UBE2H: variants seen among roughly 807,000 people sequenced by gnomAD.
The protein encoded by UBE2H is ubiquitin conjugating enzyme E2 H, also known as ubiquitin-conjugating enzyme E2 H.
Under a neutral mutation model 29.0 loss-of-function variants are expected in UBE2H, and 3 were observed. The observed-to-expected ratio is 0.10, with a 90% CI of 0.05 to 0.27. The LOEUF (loss-of-function observed/expected upper bound fraction) is 0.27, where lower values mean the gene tolerates loss of function less well. Ranked by LOEUF, UBE2H falls within the 10% of genes least tolerant of loss-of-function variation. The pLI, the probability that UBE2H is intolerant of heterozygous loss-of-function variation, is 1.00. For synonymous variants in UBE2H, 69 were observed against 82.9 expected (o/e 0.83, Z 0.91); for missense variants, 68 against 228.2 (o/e 0.30, Z 4.52).
At chr7:129,927,597 T>G (rs1267422957) in intron 1 of UBE2H, among the ~76,000 whole-genome samples, 1 of 152,186 alleles carries the variant, frequency 6.6e-6, no homozygotes, top group East Asian at 1.9e-4. Flanking sequence ...AAATGTGGTA[T>G]GTAATACACT....
chr7:129,891,061 G>A (rs367858402), intron 1 of UBE2H, among the ~76,000 whole-genome samples: 14 of 151,906 alleles, frequency 9.2e-5, no homozygotes, highest in East Asian at 2.0e-4. Flanking sequence ...GCTTGAACCC[G>A]GGAGGTGGAG....
chr7:129,935,741 A>G (rs781142714), intron 1 of UBE2H, among the ~76,000 whole-genome samples: 1 of 152,168 alleles, frequency 6.6e-6, no homozygotes, highest in Non-Finnish European at 1.5e-5. Flanking sequence ...TTTTAATTCT[A>G]TTTTTCACAC....
chr7:129,941,116 G>A (rs1474735999), intron 1 of UBE2H, among the ~76,000 whole-genome samples: 7 of 152,064 alleles, frequency 4.6e-5, no homozygotes, highest in East Asian at 1.9e-4. Flanking sequence ...CACCACGCCC[G>A]GCTAATTTTT....
intron 1 of UBE2H, among the ~76,000 whole-genome samples, chr7:129,940,962 CTT>C (rs952831204): frequency 6.6e-6 from 1 of 151,594 alleles, no homozygotes; most frequent in African/African-American, 2.4e-5. Context: ...AAACTGGAAT[CTT>C]TTTTTTTGGA....
At chr7:129,851,733 GACC>G (rs1290855369) in intron 5 of UBE2H, among the ~76,000 whole-genome samples, 1 of 152,194 alleles carries the variant, frequency 6.6e-6, no homozygotes, top group Non-Finnish European at 1.5e-5. Context: ...TTTTAAAGCT[GACC>G]ACCAGTGAGT....
chr7:129,915,367 C>T (rs2727475), intron 1 of UBE2H, among the ~76,000 whole-genome samples: 146,332 of 152,116 alleles, frequency 0.96, 70,552 homozygotes, highest in East Asian at 1. Context: ...GAACCCCGTC[C>T]ACTAAAAATA....
At chr7:129,918,345 T>C (rs1807085683) in intron 1 of UBE2H, among the ~76,000 whole-genome samples, 1 of 151,252 alleles carries the variant, frequency 6.6e-6, no homozygotes, top group East Asian at 1.9e-4. Flanking sequence ...AAAGACATTG[T>C]CCAAAAAATC....
chr7:129,843,700 TTC>T (rs1166909492), intron 5 of UBE2H, among the ~76,000 whole-genome samples: 1 of 152,210 alleles, frequency 6.6e-6, no homozygotes, highest in East Asian at 1.9e-4. Context: ...GTTCAGATGT[TTC>T]TGTGGCTATT....
chr7:129,893,482 C>T (rs540635091), intron 1 of UBE2H, among the ~76,000 whole-genome samples: 1 of 152,122 alleles, frequency 6.6e-6, no homozygotes, highest in Non-Finnish European at 1.5e-5. Context: ...AGCAGATTTA[C>T]AAAGTCAGAT....
In UBE2H at chr7:129,930,909, C is replaced by CAAAAAAAAA. The variant is rs71175050; in HGVS notation, c.53+21585_53+21593dup. Among the ~76,000 whole-genome samples, 2 of 34,292 alleles carry CAAAAAAAAA rather than the reference C, an allele frequency of 5.8e-5. 1 individual carries two copies. Among genetic ancestry groups the CAAAAAAAAA allele is most frequent in the Admixed American group, 9.1e-4 (2 of 2,198 alleles). 22.5% of individuals were successfully genotyped at this position (34,292 alleles called of 152,430 possible). A position where few individuals can be genotyped will look rare whatever the true frequency, so the allele number is the denominator to read the frequency against. Reference sequence around the variant, plus strand: ...GGTGAGAGAGCGAGACCCCGTCTCACAAAAAAAAAAAAAAAAAAAAAAAAC... The same window carrying CAAAAAAAAA: ...GGTGAGAGAGCGAGACCCCGTCTCACAAAAAAAAAAAAAAAAAAAAAAAAAAAAAAAAAC... On this transcript the variant is annotated intron_variant, in intron 1 of 6. Coordinates refer to ENST00000355621, the MANE Select transcript of UBE2H (RefSeq NM_003344.4).
At position 129,872,130 on chromosome 7, in the gene UBE2H, C is replaced by T. The variant is rs531797620; in HGVS notation, c.205+7438G>A. Among the ~76,000 whole-genome samples, 10 of 152,274 alleles carry T rather than the reference C, an allele frequency of 6.6e-5. No homozygotes were observed. The East Asian group carries it at 1.5e-3, about 23-fold the overall frequency. On this transcript the variant is annotated intron_variant, in intron 3 of 6. Coordinates refer to ENST00000355621, the MANE Select transcript of UBE2H (RefSeq NM_003344.4). ...TCGGCCTCCCAACGTGCTGGTATTA[C>T]GGGCATGAGTCATCGTGCCCAGTCA... is the stretch of plus-strand genomic sequence containing the variant.
intron 5 of UBE2H, among the ~76,000 whole-genome samples, chr7:129,844,848 G>A (rs1805485260): frequency 6.6e-6 from 1 of 152,126 alleles, no homozygotes; most frequent in African/African-American, 2.4e-5. Context: ...TTAAAAACAG[G>A]CTGGGCACAG....
intron 1 of UBE2H, among the ~76,000 whole-genome samples, chr7:129,906,885 GCTAA>G (rs1161946714): frequency 6.6e-6 from 1 of 152,174 alleles, no homozygotes; most frequent in Non-Finnish European, 1.5e-5. Flanking sequence ...AGTCCATGAA[GCTAA>G]CTACCTTTGG....
chr7:129,839,745 C>G (rs1198773901), intron 5 of UBE2H: 1 of 236,856 alleles, frequency 4.2e-6, no homozygotes, highest in Non-Finnish European at 8.1e-6. Context: ...GAGTCTTGCT[C>G]TATTGCCCAG....
intron 5 of UBE2H, among the ~76,000 whole-genome samples, chr7:129,853,990 T>C (rs1273558054): frequency 6.6e-6 from 1 of 151,960 alleles, no homozygotes; most frequent in Non-Finnish European, 1.5e-5. Flanking sequence ...GTGCCAGGCT[T>C]AGCCTTTTGC....
At chr7:129,855,043 TAC>T (rs1805679975) in intron 5 of UBE2H, among the ~76,000 whole-genome samples, 1 of 152,134 alleles carries the variant, frequency 6.6e-6, no homozygotes, top group Admixed American at 6.6e-5. Context: ...AGTTAAAGGG[TAC>T]ACATTTATTT....
chr7:129,879,682 CA>C (rs1272511592), intron 2 of UBE2H, 40 bp from the exon 3 acceptor site: 1 of 1,524,958 alleles, frequency 6.6e-7, no homozygotes, highest in Admixed American at 1.9e-5. Context: ...ACTACATCTC[CA>C]AATTAGAAAA....
At chr7:129,890,094 C>G (rs770541576) in intron 1 of UBE2H, among the ~76,000 whole-genome samples, 2 of 151,982 alleles carry the variant, frequency 1.3e-5, no homozygotes, top group Non-Finnish European at 2.9e-5. Flanking sequence ...GATGACACTA[C>G]TGAACTCCAG....
rs12535728 is a variant in UBE2H, at chr7:129,832,079, G to T, written c.*2858C>A. 0.062 allele frequency: 9,420 copies of T among 152,320 alleles called. 366 individuals carry two copies. The highest frequency in any genetic ancestry group is 0.091 in the Non-Finnish European group (6,224 of 68,058). 9.4% of individuals were successfully genotyped at this position (152,320 alleles called of 1,614,324 possible). A position where few individuals can be genotyped will look rare whatever the true frequency, so the allele number is the denominator to read the frequency against. ...GGAAGGGCAGCCTGGAAAGGCATTT[G>T]GTGGTGAAACACCGCTGCTCCAGAC... On this transcript the variant is annotated 3_prime_UTR_variant, in exon 7 of 7. Coordinates refer to ENST00000355621, the MANE Select transcript of UBE2H (RefSeq NM_003344.4).
Sources: allele counts gnomAD v4.1 joint callset (sites outside exome capture counted in the v4.1 genomes callset), GRCh38; gene constraint gnomAD v4.1.1; transcripts MANE v1.5; gene names NCBI Gene and HGNC (gene_info 2026-07-23, HGNC 2026-07-21).